Variants in SP140L observed in about 807,000 individuals in gnomAD.
SP140L encodes the protein nuclear body protein SP140-like protein.
Under a neutral mutation model 84.3 loss-of-function variants are expected in SP140L, and 64 were observed. The ratio of observed to expected loss-of-function variants is 0.76; its 90% CI spans 0.62 to 0.94. The LOEUF (loss-of-function observed/expected upper bound fraction) is 0.94, where lower values mean the gene tolerates loss of function less well. Among genes scored for constraint, SP140L ranks in the 40% least tolerant of loss-of-function variants. The probability of loss-of-function intolerance (pLI) is 0.00; values close to 1 mark genes in which losing one functional copy is unlikely to be tolerated. For synonymous variants in SP140L, 242 were observed against 236.9 expected (o/e 1.02, Z -0.20); for missense variants, 628 against 692.5 (o/e 0.91, Z 1.05).
At position 230,361,622 on chromosome 2, in the gene SP140L, G is replaced by T. The variant is rs1282795748; in HGVS notation, c.448G>T (p.Asp150Tyr). The T allele has an allele frequency of 2.6e-6, 4 of 1,558,666 alleles. No individual in the cohort carries two copies. Among genetic ancestry groups the T allele is most frequent in the Non-Finnish European group, 3.5e-6 (4 of 1,150,186 alleles). The change falls in exon 5 of 19, where the codon GAC (aspartate) becomes TAC (tyrosine). Residue 150 changes from aspartate (D) to tyrosine (Y), a missense_variant. Transcript: ENST00000415673. Reference protein sequence around the residue: ...IYKSFKNAIQDKLSFQESDRK... With the variant: ...IYKSFKNAIQYKLSFQESDRK... ...TCTCTCCCACTCTTCAGCAATCCAAGACAAATTGTCTTTCCAAGAAAGTGA... is the reference window on the plus strand; with the variant it reads ...TCTCTCCCACTCTTCAGCAATCCAATACAAATTGTCTTTCCAAGAAAGTGA...
chr2:230,365,894 G>A (rs1168023708), intron 5 of SP140L, among the ~76,000 whole-genome samples: 2 of 151,968 alleles, frequency 1.3e-5, no homozygotes, highest in African/African-American at 4.8e-5. Context: ...CCTATTGGCT[G>A]CTCAAGAGTG....
chr2:230,354,025 C>T (rs1399964190), intron 2 of SP140L, among the ~76,000 whole-genome samples: 1 of 152,080 alleles, frequency 6.6e-6, no homozygotes, highest in Non-Finnish European at 1.5e-5. Context: ...TCTTCACCAA[C>T]CCTGCTCAAA....
intron 7 of SP140L, among the ~76,000 whole-genome samples, chr2:230,374,923 C>T (rs1276072151): frequency 6.6e-6 from 1 of 152,186 alleles, no homozygotes; most frequent in Non-Finnish European, 1.5e-5. Context: ...ATATTCACTT[C>T]ATTGCAGTGT....
chr2:230,340,296 AG>A (rs2060001758), intron 2 of SP140L, among the ~76,000 whole-genome samples: 1 of 147,482 alleles, frequency 6.8e-6, no homozygotes, highest in African/African-American at 2.5e-5. Flanking sequence ...CTGTTTTATC[AG>A]AGACTAGGGT....
intron 9 of SP140L, among the ~76,000 whole-genome samples, chr2:230,386,278 A>G (rs1380070628): frequency 1.3e-5 from 2 of 151,988 alleles, no homozygotes; most frequent in African/African-American, 4.8e-5. Flanking sequence ...GACTTTCTCA[A>G]TTTTGCCAGT....
intron 9 of SP140L, among the ~76,000 whole-genome samples, chr2:230,387,050 C>A (rs865930575): frequency 6.6e-6 from 1 of 152,078 alleles, no homozygotes; most frequent in East Asian, 1.9e-4. Flanking sequence ...TGGCATCTTG[C>A]GTGGGAGAGG....
chr2:230,365,646 TTTA>T (rs2060843908), intron 5 of SP140L, among the ~76,000 whole-genome samples: 1 of 152,044 alleles, frequency 6.6e-6, no homozygotes, highest in Non-Finnish European at 1.5e-5. Flanking sequence ...TGATCTAATA[TTTA>T]TTATTTCCTT....
chr2:230,342,348 C>T (rs540517317), intron 2 of SP140L, among the ~76,000 whole-genome samples: 99 of 152,324 alleles, frequency 6.5e-4, no homozygotes, highest in Middle Eastern at 6.8e-3. Context: ...GCCCTGCTTC[C>T]GCTCGCGCAC....
intron 8 of SP140L, among the ~76,000 whole-genome samples, 151 bp downstream of exon 8, chr2:230,383,726 C>A (rs1370727397): frequency 1.3e-5 from 2 of 152,090 alleles, no homozygotes; most frequent in Non-Finnish European, 2.9e-5. Flanking sequence ...GACAAAGAGG[C>A]CTGAGAATGC....
chr2:230,328,762 T>G lies in SP140L; in HGVS notation c.38T>G (p.Leu13Arg). 1 of 1,612,528 alleles carries G rather than the reference T, an allele frequency of 6.2e-7. No individual in the cohort carries two copies. Among genetic ancestry groups the G allele is most frequent in the Non-Finnish European group, 8.5e-7 (1 of 1,179,172 alleles). Residue 13 changes from leucine to arginine, a missense_variant, in exon 2 of 19, where the codon CTG becomes CGG. Transcript: ENST00000415673. ...GGGSDLSTRG[L>R]NGGVSQVANE... The stretch of plus-strand genomic sequence containing the variant: ...CTGCCAAATTGTCTTTTTAGGGGGC[T>G]GAACGGAGGTGTTTCACAAGTAGCA...
intron 2 of SP140L, among the ~76,000 whole-genome samples, chr2:230,352,036 T>A (rs1166475467): frequency 6.6e-6 from 1 of 152,218 alleles, no homozygotes. Flanking sequence ...ATTACTACTT[T>A]TTTTCTAATT....
At chr2:230,338,915 T>C (rs1235239322) in intron 2 of SP140L, among the ~76,000 whole-genome samples, 1 of 141,984 alleles carries the variant, frequency 7.0e-6, no homozygotes, top group Admixed American at 7.0e-5. Flanking sequence ...TTATTGAGGA[T>C]TTTTGCATCA....
intron 14 of SP140L, among the ~76,000 whole-genome samples, chr2:230,398,502 C>T (rs534416322): frequency 6.6e-6 from 1 of 152,230 alleles, no homozygotes; most frequent in Non-Finnish European, 1.5e-5. Flanking sequence ...AGAACCACCA[C>T]AGGAACATTC....
intron 7 of SP140L, among the ~76,000 whole-genome samples, chr2:230,378,703 C>T (rs1300213813): frequency 6.6e-6 from 1 of 152,176 alleles, no homozygotes; most frequent in African/African-American, 2.4e-5. Context: ...CCTTTGCATC[C>T]TAATGTGTGG....
chr2:230,367,920 G>C (rs2149757013), intron 5 of SP140L, among the ~76,000 whole-genome samples: 1 of 152,308 alleles, frequency 6.6e-6, no homozygotes, highest in African/African-American at 2.4e-5. Context: ...AACAGAGAGA[G>C]AGACTCCATC....
At chr2:230,359,905 G>GACAGGGA (rs2060660209) in intron 4 of SP140L, among the ~76,000 whole-genome samples, 3 of 128,114 alleles carry the variant, frequency 2.3e-5, no homozygotes, top group African/African-American at 8.1e-5. Context: ...TGATTGCTCG[G>GACAGGGA]ACAGGGACTA....
chr2:230,349,062 T>A (rs1235948697), intron 2 of SP140L, among the ~76,000 whole-genome samples: 1 of 152,244 alleles, frequency 6.6e-6, no homozygotes, highest in African/African-American at 2.4e-5. Flanking sequence ...ATGTATATGA[T>A]GTGAGGTAAG....
intron 2 of SP140L, among the ~76,000 whole-genome samples, chr2:230,335,195 T>C (rs2059834294): frequency 6.6e-6 from 1 of 152,198 alleles, no homozygotes; most frequent in Admixed American, 6.5e-5. Flanking sequence ...AACATTTTTA[T>C]ATTTTTCTAT....
chr2:230,355,498 A>T (rs1310671247), intron 2 of SP140L, among the ~76,000 whole-genome samples: 1 of 152,208 alleles, frequency 6.6e-6, no homozygotes, highest in Non-Finnish European at 1.5e-5. Context: ...ATAGTTTCAA[A>T]TCAAACCCAA....
Sources: allele counts gnomAD v4.1 joint callset (sites outside exome capture counted in the v4.1 genomes callset), GRCh38; gene constraint gnomAD v4.1.1; transcripts MANE v1.5; gene names NCBI Gene and HGNC (gene_info 2026-07-23, HGNC 2026-07-21).